Variants in TP53BP1 observed in about 807,000 individuals in gnomAD.
The protein encoded by TP53BP1 is TP53-binding protein 1.
Under a neutral mutation model 200.8 loss-of-function variants are expected in TP53BP1, and 61 were observed. The ratio of observed to expected loss-of-function variants is 0.30; its 90% confidence interval spans 0.25 to 0.38. The LOEUF (loss-of-function observed/expected upper bound fraction) is 0.38, where lower values mean the gene tolerates loss of function less well. TP53BP1 is among the 10% of genes least tolerant of loss of function. The pLI is 1.00. For missense variants in TP53BP1, 2,144 were observed against 2,371.9 expected, an observed-to-expected ratio of 0.90 and a Z score of 2.00; for synonymous variants, 822 against 844.3, an observed-to-expected ratio of 0.97 and a Z score of 0.46.
At position 43,423,444 on chromosome 15, in the gene TP53BP1, G is replaced by A. The variant is rs180992531; in HGVS notation, c.3829-1318C>T. ...AGGCAGAGGCAGGTGGATCACTTGAGGTCAGGAGTTCAAGACCAGTCTGGC... is the reference window on the plus strand; with the variant it reads ...AGGCAGAGGCAGGTGGATCACTTGAAGTCAGGAGTTCAAGACCAGTCTGGC... On this transcript the variant is annotated intron_variant, in intron 18 of 27. Transcript: ENST00000382044. 2.2e-3 allele frequency among the ~76,000 whole-genome samples: 340 copies of A among 151,894 alleles called. 1 individual carries two copies. Among genetic ancestry groups the A allele is most frequent in the Middle Eastern group, 6.8e-3 (2 of 294 alleles).
chr15:43,474,918 G>A (rs1212685002), intron 9 of TP53BP1, 151 bp from the exon 10 acceptor site: 2 of 568,444 alleles, frequency 3.5e-6, no homozygotes, highest in Non-Finnish European at 3.1e-6. Context: ...TGAGGCTGGT[G>A]GAAGAACCAA....
chr15:43,468,455 G>A lies in TP53BP1; in HGVS notation c.1389+1403C>T, dbSNP rs186980924. On this transcript the variant is annotated intron_variant, in intron 11 of 27. Transcript: ENST00000382044. The stretch of plus-strand genomic sequence containing the variant: ...CCAGCTACTTGGGATGCTGAGGTGG[G>A]AGGATCACTTGAGACTGGGAAGTCA... Among the ~76,000 whole-genome samples the A allele has an allele frequency of 4.0e-5, 6 of 151,572 alleles. No homozygotes were observed. The East Asian group carries it at 7.8e-4, about 20-fold the overall frequency.
At chr15:43,491,565 CAAGA>C in intron 4 of TP53BP1, 100 bp downstream of exon 4, 1 of 884,110 alleles carries the variant, frequency 1.1e-6, no homozygotes, top group Non-Finnish European at 1.9e-6. Flanking sequence ...TCCTAATCCA[CAAGA>C]AAGAGATTAA....
chr15:43,443,925 G>A (rs138813394), intron 14 of TP53BP1, among the ~76,000 whole-genome samples: 1 of 152,296 alleles, frequency 6.6e-6, no homozygotes, highest in Non-Finnish European at 1.5e-5. Flanking sequence ...CAGTCCATCA[G>A]GGAGGCAGCT....
chr15:43,424,939 G>C (rs187017258), intron 18 of TP53BP1, among the ~76,000 whole-genome samples: 14 of 152,266 alleles, frequency 9.2e-5, no homozygotes, highest in African/African-American at 3.4e-4. Flanking sequence ...TGGATTAACG[G>C]AATTACGAGC....
chr15:43,408,129 T>C, intron 26 of TP53BP1, 41 bp from the exon 27 acceptor site: 1 of 1,595,900 alleles, frequency 6.3e-7, no homozygotes, highest in Non-Finnish European at 8.5e-7. Flanking sequence ...TGACAAGTAA[T>C]ATCCAACAAA....
At chr15:43,462,660 A>G (rs2046467297) in intron 11 of TP53BP1, among the ~76,000 whole-genome samples, 1 of 152,210 alleles carries the variant, frequency 6.6e-6, no homozygotes, top group Non-Finnish European at 1.5e-5. Flanking sequence ...GTTGCAAAAA[A>G]TAAGTCATTT....
At chr15:43,444,026 T>G (rs531599033) in intron 14 of TP53BP1, among the ~76,000 whole-genome samples, 3 of 152,216 alleles carry the variant, frequency 2.0e-5, no homozygotes, top group East Asian at 3.9e-4. Flanking sequence ...GTAAACTACT[T>G]TGTCATTTTG....
At chr15:43,490,533 T>C (rs1346113385) in intron 4 of TP53BP1, among the ~76,000 whole-genome samples, 7 of 152,244 alleles carry the variant, frequency 4.6e-5, no homozygotes, top group Non-Finnish European at 8.8e-5. Flanking sequence ...CAAAAACCAT[T>C]TCTTTTTAAG....
At position 43,428,059 on chromosome 15, in the gene TP53BP1, A is replaced by G; in HGVS notation, c.3785T>C (p.Val1262Ala). ...RTLVTRVITD[V>A]YYVDGTEVER... is the part of the protein sequence containing the mutation. The stretch of plus-strand genomic sequence containing the variant: ...TACTTCTGTTCCATCCACATAATAC[A>G]CATCTGTAATGACACGAGTGACAAG... The change falls in exon 18 of 28, where the codon GTG becomes GCG. Residue 1262 changes from valine to alanine, a missense_variant. Around this residue, in one of 4 missense-constraint regions of TP53BP1, gnomAD observed 1,700 missense variants for 1,710.3 expected, o/e 0.99. Coordinates refer to ENST00000382044, the MANE Select transcript of TP53BP1 (RefSeq NM_001141980.3). 6.2e-7 allele frequency: 1 copy of G among 1,612,708 alleles called. No individual in the cohort carries two copies. The highest frequency in any genetic ancestry group is 8.5e-7 in the Non-Finnish European group (1 of 1,178,890).
chr15:43,474,455 C>CAAA (rs398043214), intron 10 of TP53BP1, among the ~76,000 whole-genome samples: 7,027 of 79,046 alleles, frequency 0.089, 473 homozygotes, highest in Middle Eastern at 0.16. Flanking sequence ...TGGGGTTAGA[C>CAAA]AAAAAAAAAA....
intron 7 of TP53BP1, 50 bp downstream of exon 7, chr15:43,479,347 T>G: frequency 6.5e-7 from 1 of 1,541,472 alleles, no homozygotes; most frequent in Non-Finnish European, 8.7e-7. Context: ...ATGACATTAG[T>G]ATAACCCTAC....
chr15:43,442,210 C>T (rs1667469190), intron 14 of TP53BP1, among the ~76,000 whole-genome samples: 1 of 151,584 alleles, frequency 6.6e-6, no homozygotes, highest in African/African-American at 2.4e-5. Flanking sequence ...CTCAGCCTCC[C>T]CAGCAGCTGA....
Position 43,491,737 on chromosome 15 carries a change from A to G in TP53BP1, c.303T>C (p.Ser101=). 6.2e-7 allele frequency: 1 copy of G among 1,614,050 alleles called. No individual in the cohort carries two copies. The highest frequency in any genetic ancestry group is 8.5e-7 in the Non-Finnish European group (1 of 1,179,894). ...ENKVADPVDS[S]NLDTCGSISQ... ...TGATGGAACCACATGTGTCCAAGTT[A>G]GAAGAATCCACAGGGTCTGAAAAAA... The change falls in exon 4 of 28, where the codon TCT becomes TCC. Residue 101 remains serine (S), a synonymous_variant. Coordinates refer to ENST00000382044, the MANE Select transcript of TP53BP1 (RefSeq NM_001141980.3).
intron 1 of TP53BP1, among the ~76,000 whole-genome samples, chr15:43,508,759 G>A (rs2079252345): frequency 6.6e-6 from 1 of 152,162 alleles, no homozygotes; most frequent in African/African-American, 2.4e-5. Flanking sequence ...ATCTTTCTGT[G>A]ACATTGTCAG....
Position 43,448,373 on chromosome 15 carries a change from A to G in TP53BP1, c.2717-888T>C, listed in dbSNP as rs377756252. 2.6e-5 allele frequency among the ~76,000 whole-genome samples: 4 copies of G among 152,262 alleles called. No homozygotes were observed. The East Asian group carries it at 7.7e-4, about 29-fold the overall frequency. On this transcript the variant is annotated intron_variant, in intron 12 of 27. Transcript: ENST00000382044. ...CAGACTGCCCTCTTAAAACTAATAT[A>G]TGAAAATTTCTTCTTACTTTCCTGG...
intron 4 of TP53BP1, 56 bp downstream of exon 4, chr15:43,491,613 G>T: frequency 1.5e-6 from 2 of 1,317,690 alleles, no homozygotes; most frequent in Non-Finnish European, 2.2e-6. Flanking sequence ...AACAGGTACA[G>T]ATAAAAGAAC....
chr15:43,413,148 C>A lies in TP53BP1; in HGVS notation c.5276G>T (p.Gly1759Val). 1 of 1,614,172 alleles carries A rather than the reference C, an allele frequency of 6.2e-7. No homozygotes were observed. Among genetic ancestry groups the A allele is most frequent in the Non-Finnish European group, 8.5e-7 (1 of 1,180,024 alleles). Residue 1759 changes from glycine (G) to valine (V), a missense_variant, in exon 24 of 28, where the codon GGT becomes GTT. Around this residue, in one of 4 missense-constraint regions of TP53BP1, gnomAD observed 334 missense variants for 453.4 expected, o/e 0.74. Coordinates refer to ENST00000382044, the MANE Select transcript of TP53BP1 (RefSeq NM_001141980.3). The stretch of plus-strand genomic sequence containing the variant: ...CTCTTCTTCACTGCTTCCTGTAGGA[C>A]CATCTGGCAGTTTGGAGCGGCTGGC... ...KLASRSKLPDGPTGSSEEEEE... is the reference protein window; with the variant it reads ...KLASRSKLPDVPTGSSEEEEE...
chr15:43,476,858 A>C (rs1330074727), intron 8 of TP53BP1, among the ~76,000 whole-genome samples: 1 of 152,212 alleles, frequency 6.6e-6, no homozygotes, highest in Non-Finnish European at 1.5e-5. Context: ...TATCCTTTTA[A>C]GTTTTATGTC....
Sources: allele counts gnomAD v4.1 joint callset (sites outside exome capture counted in the v4.1 genomes callset), GRCh38; gene constraint gnomAD v4.1.1; regional missense constraint gnomAD v4.1.1; transcripts MANE v1.5; gene names NCBI Gene and HGNC (gene_info 2026-07-23, HGNC 2026-07-21).